NDUFS4: variants seen among roughly 807,000 people sequenced by gnomAD.
NDUFS4 encodes NADH:ubiquinone oxidoreductase subunit S4, also known as NADH dehydrogenase [ubiquinone] iron-sulfur protein 4, mitochondrial.
NDUFS4 carries 28 observed loss-of-function variants against 24.3 expected under a neutral mutation model. The observed-to-expected ratio is 1.15, with a 90% CI of 0.85 to 1.58. The LOEUF is 1.58. Ranked by LOEUF, NDUFS4 falls within the 40% of genes most tolerant of loss-of-function variation. The probability of loss-of-function intolerance (pLI) is 0.00; values close to 1 mark genes in which losing one functional copy is unlikely to be tolerated. For synonymous variants in NDUFS4, 93 were observed against 69.7 expected (o/e 1.34, Z -1.67); for missense variants, 223 against 207.9 (o/e 1.07, Z -0.45).
intron 1 of NDUFS4, among the ~76,000 whole-genome samples, chr5:53,595,426 G>A (rs901268590): frequency 1.5e-4 from 23 of 152,250 alleles, no homozygotes; most frequent in African/African-American, 4.6e-4. Flanking sequence ...GCCAGTAGAC[G>A]TATTCTTCTG....
intron 2 of NDUFS4, among the ~76,000 whole-genome samples, chr5:53,618,276 AAAATAAAT>A (rs139187306): frequency 1.3e-5 from 2 of 151,812 alleles, no homozygotes; most frequent in South Asian, 2.1e-4. Context: ...CCCTGTCTCC[AAAATAAAT>A]AAATAAATAA....
At chr5:53,656,731 T>C (rs1244441918) in intron 3 of NDUFS4, among the ~76,000 whole-genome samples, 1 of 152,116 alleles carries the variant, frequency 6.6e-6, no homozygotes, top group Non-Finnish European at 1.5e-5. Flanking sequence ...GTGAAAACTG[T>C]TTGAAATTTT....
chr5:53,562,353 T>C (rs977390276), intron 1 of NDUFS4, among the ~76,000 whole-genome samples: 5 of 152,194 alleles, frequency 3.3e-5, no homozygotes. Flanking sequence ...GTACTCATGG[T>C]AGCCCCAGAA....
intron 4 of NDUFS4, among the ~76,000 whole-genome samples, chr5:53,676,343 G>A (rs754512110): frequency 1.3e-5 from 2 of 152,052 alleles, no homozygotes; most frequent in Non-Finnish European, 2.9e-5. Context: ...TTATCCCTCG[G>A]GATATACATG....
chr5:53,626,362 T>C (rs1751226139), intron 2 of NDUFS4, among the ~76,000 whole-genome samples: 1 of 152,198 alleles, frequency 6.6e-6, no homozygotes. Flanking sequence ...CCTGTGTCTT[T>C]ATAGTAGAAT....
chr5:53,587,243 T>C (rs1006224488), intron 1 of NDUFS4, among the ~76,000 whole-genome samples: 4 of 152,176 alleles, frequency 2.6e-5, no homozygotes, highest in African/African-American at 9.7e-5. Context: ...GGAGTCCGTT[T>C]ATGCATATTT....
intron 2 of NDUFS4, among the ~76,000 whole-genome samples, chr5:53,635,688 C>G (rs1032836904): frequency 1.3e-5 from 2 of 152,096 alleles, no homozygotes; most frequent in African/African-American, 4.8e-5. Flanking sequence ...GTTAAACATA[C>G]TGGTTTTCAT....
chr5:53,576,651 A>G (rs1749395563), intron 1 of NDUFS4, among the ~76,000 whole-genome samples: 1 of 152,186 alleles, frequency 6.6e-6, no homozygotes, highest in Non-Finnish European at 1.5e-5. Context: ...AATGTTTGTA[A>G]TTCTTCTTAT....
At chr5:53,602,394 T>C (rs1195774378) in intron 1 of NDUFS4, among the ~76,000 whole-genome samples, 1 of 152,164 alleles carries the variant, frequency 6.6e-6, no homozygotes, top group African/African-American at 2.4e-5. Context: ...ACATAATACC[T>C]TAAATTTGGT....
In NDUFS4 at chr5:53,591,935, TTTG is replaced by T. The variant is rs150255009; in HGVS notation, c.99-11502_99-11500del. Among the ~76,000 whole-genome samples the T allele has an allele frequency of 4.4e-3, 669 of 152,076 alleles. 5 individuals are homozygous for T. The highest frequency in any genetic ancestry group is 0.015 in the African/African-American group (640 of 41,460). On this transcript the variant is annotated intron_variant, in intron 1 of 4. Coordinates refer to ENST00000296684, the MANE Select transcript of NDUFS4 (RefSeq NM_002495.4). ...GTTGTTTGTTTTCTTATTGATGAGT[TTTG>T]TTGTTGTTGTTGTTTTGAGACGGGA... is the stretch of plus-strand genomic sequence containing the variant.
intron 1 of NDUFS4, among the ~76,000 whole-genome samples, chr5:53,582,970 C>T (rs1294435753): frequency 1.3e-5 from 2 of 152,176 alleles, no homozygotes; most frequent in East Asian, 3.9e-4. Flanking sequence ...GGCACGATCT[C>T]GGCTCACTGC....
chr5:53,588,978 C>G (rs1342360726), intron 1 of NDUFS4, among the ~76,000 whole-genome samples: 3 of 149,796 alleles, frequency 2.0e-5, no homozygotes, highest in African/African-American at 7.3e-5. Flanking sequence ...AAATGCATAG[C>G]CATCTTAAAA....
intron 2 of NDUFS4, among the ~76,000 whole-genome samples, chr5:53,603,750 A>T (rs557636203): frequency 6.6e-6 from 1 of 152,312 alleles, no homozygotes; most frequent in Non-Finnish European, 1.5e-5. Flanking sequence ...ATAAATTAAA[A>T]TTATGAAAGG....
chr5:53,608,681 G>A (rs906380594), intron 2 of NDUFS4, among the ~76,000 whole-genome samples: 2 of 152,110 alleles, frequency 1.3e-5, no homozygotes, highest in African/African-American at 4.8e-5. Context: ...ACTTGTTTAG[G>A]CTCCACCCAC....
At chr5:53,663,864 A>T (rs12519736) in intron 4 of NDUFS4, among the ~76,000 whole-genome samples, 25,050 of 151,948 alleles carry the variant, frequency 0.16, 2,302 homozygotes, top group Non-Finnish European at 0.21. Context: ...TGTGAATTTG[A>T]CCCTCTCATT....
chr5:53,646,398 G>A lies in NDUFS4; in HGVS notation c.343G>A (p.Ala115Thr), dbSNP rs772480027. 3 of 1,613,302 alleles carry A rather than the reference G, an allele frequency of 1.9e-6. No homozygotes were observed. The highest frequency in any genetic ancestry group is 2.5e-6 in the Non-Finnish European group (3 of 1,179,406). The change falls in exon 3 of 5, where the codon GCA becomes ACA. Residue 115 changes from alanine (A) to threonine (T), a missense_variant. Physicochemically the swap from Ala to Thr is moderately conservative, Grantham distance 58. Transcript: ENST00000296684. ...ATGGGAAAATCCTTTGATGGGTTGG[G>A]CATCAACGTGAGTACTTTATTTTAA... ...ERWENPLMGWASTADPLSNMV... is the reference protein window; with the variant it reads ...ERWENPLMGWTSTADPLSNMV...
intron 2 of NDUFS4, among the ~76,000 whole-genome samples, chr5:53,619,622 A>G (rs1040714721): frequency 4.6e-5 from 7 of 152,246 alleles, no homozygotes; most frequent in South Asian, 2.1e-4. Context: ...AAATGAAGAA[A>G]GCATAATGAA....
chr5:53,611,847 T>A (rs1173791870), intron 2 of NDUFS4, among the ~76,000 whole-genome samples: 1 of 152,100 alleles, frequency 6.6e-6, no homozygotes, highest in East Asian at 1.9e-4. Flanking sequence ...ACATGTTGTC[T>A]TTTTTATATT....
chr5:53,679,503 AGTT>A (rs1263129474), intron 4 of NDUFS4, among the ~76,000 whole-genome samples: 1 of 152,136 alleles, frequency 6.6e-6, no homozygotes, highest in Non-Finnish European at 1.5e-5. Flanking sequence ...AACCCAAACC[AGTT>A]GTTCTTTTCT....
Sources: allele counts gnomAD v4.1 joint callset (sites outside exome capture counted in the v4.1 genomes callset), GRCh38; gene constraint gnomAD v4.1.1; transcripts MANE v1.5; gene names NCBI Gene and HGNC (gene_info 2026-07-23, HGNC 2026-07-21).